Variants in GATB observed in about 807,000 individuals in gnomAD.
GATB encodes the protein glutamyl-tRNA(Gln) amidotransferase subunit B, mitochondrial.
A neutral mutation model predicts 62.3 loss-of-function variants in GATB; 39 were observed. The ratio of observed to expected loss-of-function variants is 0.63; its 90% CI spans 0.48 to 0.82. GATB has a LOEUF of 0.82. Ranked by LOEUF, GATB falls within the 40% of genes least tolerant of loss-of-function variation. The pLI, the probability that GATB is intolerant of heterozygous loss-of-function variation, is 0.00. For missense variants in GATB, 670 were observed against 684.0 expected, an observed-to-expected ratio of 0.98 and a Z score of 0.23; for synonymous variants, 276 against 258.9, an observed-to-expected ratio of 1.07 and a Z score of -0.63.
At chr4:151,685,629 G>A (rs1578899483) in intron 10 of GATB, among the ~76,000 whole-genome samples, 2 of 152,176 alleles carry the variant, frequency 1.3e-5, no homozygotes, top group Non-Finnish European at 2.9e-5. Flanking sequence ...GAGCCTTGAA[G>A]ACTCTGGTAG....
At chr4:151,686,846 C>T (rs1738260906) in intron 10 of GATB, 1 of 152,334 alleles carries the variant, frequency 6.6e-6, no homozygotes, top group African/African-American at 2.4e-5. Flanking sequence ...GCTGCTGAGT[C>T]CATGTTCCAC....
intron 2 of GATB, among the ~76,000 whole-genome samples, chr4:151,750,654 CT>C (rs755059718): frequency 4.0e-5 from 6 of 151,392 alleles, no homozygotes; most frequent in Non-Finnish European, 5.9e-5. Flanking sequence ...ATATTTTTTT[CT>C]TTTCTTTTCT....
chr4:151,672,726 C>A (rs745455279), intron 12 of GATB, 36 bp downstream of exon 12: 1 of 1,605,454 alleles, frequency 6.2e-7, no homozygotes, highest in Admixed American at 1.7e-5. Flanking sequence ...TGTCCTGGGG[C>A]TGGCTCTGGC....
intron 2 of GATB, among the ~76,000 whole-genome samples, chr4:151,724,733 T>C (rs1362397865): frequency 6.6e-6 from 1 of 152,036 alleles, no homozygotes; most frequent in Non-Finnish European, 1.5e-5. Context: ...CCACCACTAC[T>C]ACAGTCTAGG....
intron 2 of GATB, among the ~76,000 whole-genome samples, chr4:151,732,676 C>A: frequency 6.8e-6 from 1 of 146,682 alleles, no homozygotes; most frequent in African/African-American, 2.5e-5. Flanking sequence ...ATGACCCTGC[C>A]AAATCCCCCT....
intron 9 of GATB, among the ~76,000 whole-genome samples, chr4:151,699,067 G>A (rs1578908298): frequency 6.6e-6 from 1 of 152,058 alleles, no homozygotes; most frequent in Non-Finnish European, 1.5e-5. Flanking sequence ...TTCTGTCTCA[G>A]TACGTGCTAT....
At chr4:151,758,214 TTTGAG>T (rs1343990800) in intron 2 of GATB, among the ~76,000 whole-genome samples, 2 of 152,206 alleles carry the variant, frequency 1.3e-5, no homozygotes, top group Non-Finnish European at 1.5e-5. Context: ...CACTGCTTGC[TTTGAG>T]TTGACTCCTC....
At chr4:151,684,418 C>G (rs1270612348) in intron 10 of GATB, among the ~76,000 whole-genome samples, 1 of 152,216 alleles carries the variant, frequency 6.6e-6, no homozygotes, top group Non-Finnish European at 1.5e-5. Flanking sequence ...GAGGTTGGAC[C>G]CTTCAAACAT....
intron 8 of GATB, among the ~76,000 whole-genome samples, chr4:151,702,583 TG>T (rs1353174732): frequency 6.6e-6 from 1 of 152,168 alleles, no homozygotes; most frequent in East Asian, 1.9e-4. Context: ...CAGGAGACTC[TG>T]GGGGGAGAGT....
chr4:151,682,477 G>A (rs573474753), intron 10 of GATB, among the ~76,000 whole-genome samples: 7 of 152,274 alleles, frequency 4.6e-5, no homozygotes, highest in Admixed American at 2.0e-4. Context: ...TAGTGAATGC[G>A]TCTCCGCTGA....
chr4:151,681,020 T>C (rs1738127710), intron 10 of GATB, among the ~76,000 whole-genome samples: 1 of 152,236 alleles, frequency 6.6e-6, no homozygotes, highest in African/African-American at 2.4e-5. Context: ...TGTTACACTG[T>C]GTAAATGAGG....
intron 5 of GATB, among the ~76,000 whole-genome samples, chr4:151,711,209 C>G (rs1489245925): frequency 6.6e-6 from 1 of 152,190 alleles, no homozygotes; most frequent in African/African-American, 2.4e-5. Context: ...AGCTTCTTAA[C>G]TGGTCTCCTG....
In GATB at chr4:151,760,907, G is replaced by GC; in HGVS notation, c.75_76insG (p.His26AlafsTer15). On this transcript the variant is annotated frameshift_variant, in exon 1 of 13. Coordinates refer to ENST00000263985, the MANE Select transcript of GATB (RefSeq NM_004564.3). LOFTEE classifies it high-confidence loss of function. ...GACCCAGTCGGAGCCCCTCTTCGGT[G>GC]GCAAGAACCACCGTCAACCCGGGCG... 6.2e-7 allele frequency: 1 copy of GC among 1,614,008 alleles called. No individual in the cohort carries two copies. Among genetic ancestry groups the GC allele is most frequent in the Non-Finnish European group, 8.5e-7 (1 of 1,179,954 alleles).
intron 2 of GATB, among the ~76,000 whole-genome samples, chr4:151,729,405 G>A (rs6834762): frequency 0.023 from 3,489 of 152,196 alleles, 129 homozygotes; most frequent in African/African-American, 0.079. Context: ...ATCTTTTATT[G>A]GGGGAAAAAT....
At chr4:151,708,330 G>A (rs1159920468) in intron 5 of GATB, among the ~76,000 whole-genome samples, 1 of 152,198 alleles carries the variant, frequency 6.6e-6, no homozygotes, top group Non-Finnish European at 1.5e-5. Context: ...CTGTACATGT[G>A]AACATATACA....
chr4:151,722,130 G>A, intron 2 of GATB: 1 of 687,708 alleles, frequency 1.5e-6, no homozygotes, highest in Non-Finnish European at 2.6e-6. Flanking sequence ...TCTTAGTCAA[G>A]CTGCTTGTGA....
intron 9 of GATB, among the ~76,000 whole-genome samples, chr4:151,697,647 G>A (rs929430390): frequency 4.7e-5 from 7 of 148,720 alleles, no homozygotes; most frequent in South Asian, 2.1e-4. Context: ...AAATATTTCC[G>A]TATATGTTTT....
At chr4:151,750,579 G>A (rs915824370) in intron 2 of GATB, among the ~76,000 whole-genome samples, 1 of 152,062 alleles carries the variant, frequency 6.6e-6, no homozygotes, top group African/African-American at 2.4e-5. Context: ...ATAACAATAT[G>A]AGACATTTTG....
intron 10 of GATB, among the ~76,000 whole-genome samples, chr4:151,683,601 C>T (rs975783531): frequency 6.6e-6 from 1 of 152,226 alleles, no homozygotes; most frequent in African/African-American, 2.4e-5. Context: ...GCCCCGTTCA[C>T]ACCTAGACAA....
Sources: gnomAD v4.1 joint callset for allele counts (sites outside exome capture counted in the v4.1 genomes callset) on GRCh38, gnomAD v4.1.1 for gene constraint, MANE v1.5 for transcripts, NCBI Gene and HGNC (gene_info 2026-07-23, HGNC 2026-07-21) for gene names.